Variants in RPE observed in about 807,000 individuals in gnomAD.
The protein encoded by RPE is ribulose-phosphate 3-epimerase.
RPE carries 16 observed loss-of-function variants against 24.6 expected under a neutral mutation model. The observed-to-expected ratio is 0.65, with a 90% CI of 0.44 to 0.99. The LOEUF (loss-of-function observed/expected upper bound fraction) is 0.99, where lower values mean the gene tolerates loss of function less well. Among genes scored for constraint, RPE ranks in the 50% least tolerant of loss-of-function variants. RPE has a pLI of 0.00. For synonymous variants in RPE, 93 were observed against 98.4 expected (o/e 0.94, Z 0.33); for missense variants, 240 against 294.5 (o/e 0.81, Z 1.35).
intron 1 of RPE, 63 bp from the exon 2 acceptor site, chr2:210,009,594 A>G (rs1222728897): frequency 7.5e-6 from 12 of 1,590,924 alleles, no homozygotes; most frequent in Non-Finnish European, 1.0e-5. Context: ...CAGAATTCAT[A>G]TTGAGAGAGA....
At chr2:210,006,187 G>A (rs1394171243) in intron 1 of RPE, among the ~76,000 whole-genome samples, 1 of 152,196 alleles carries the variant, frequency 6.6e-6, no homozygotes, top group African/African-American at 2.4e-5. Flanking sequence ...TCTCTGTTAA[G>A]TGAAATAATT....
intron 5 of RPE, chr2:210,018,290 AT>A (rs2093807504): frequency 6.8e-7 from 1 of 1,481,112 alleles, no homozygotes; most frequent in Admixed American, 2.6e-5. Flanking sequence ...TAGAACCTAC[AT>A]ATTATTTAGT....
intron 2 of RPE, among the ~76,000 whole-genome samples, 181 bp from the exon 3 acceptor site, chr2:210,015,792 T>G (rs976493197): frequency 6.6e-6 from 1 of 152,220 alleles, no homozygotes; most frequent in South Asian, 2.1e-4. Flanking sequence ...TGAATTTAAA[T>G]AAATCCTTGT....
intron 1 of RPE, among the ~76,000 whole-genome samples, chr2:210,008,145 G>A (rs556422727): frequency 4.6e-5 from 7 of 152,258 alleles, no homozygotes; most frequent in Admixed American, 2.0e-4. Context: ...ACAACTATAC[G>A]ATAGCAGTAG....
In RPE at chr2:210,015,967, T is replaced by A; in HGVS notation, c.203-6T>A. ...AGTAATATTTTGAAGTGTCTTTTCT[T>A]TCTAGACATGCACATGATGGTGTCC... is the stretch of plus-strand genomic sequence containing the variant. On this transcript the variant is annotated splice_region_variant and splice_polypyrimidine_tract_variant and intron_variant, in intron 2 of 5. Transcript: ENST00000359429. The A allele has an allele frequency of 1.9e-6, 3 of 1,612,922 alleles. No individual in the cohort carries two copies. Among genetic ancestry groups the A allele is most frequent in the Middle Eastern group, 1.7e-4 (1 of 6,042 alleles).
rs2093853980 is a variant in RPE, at chr2:210,021,450, T to C, written c.*1659T>C. On this transcript the variant is annotated 3_prime_UTR_variant, in exon 6 of 6. Coordinates refer to ENST00000359429, the MANE Select transcript of RPE (RefSeq NM_199229.3). ...ATAGAAATAACTTTAATTAAAAAACTTACATAGAAGATTATAATATCAGAC... is the reference window on the plus strand; with the variant it reads ...ATAGAAATAACTTTAATTAAAAAACCTACATAGAAGATTATAATATCAGAC... The C allele has an allele frequency of 2.0e-5, 3 of 152,482 alleles. No individual in the cohort carries two copies. Among genetic ancestry groups the C allele is most frequent in the Non-Finnish European group, 4.4e-5 (3 of 67,984 alleles). 9.4% of individuals were successfully genotyped at this position (152,482 alleles called of 1,614,324 possible). A position where few individuals can be genotyped will look rare whatever the true frequency, so the allele number is the denominator to read the frequency against.
intron 2 of RPE, among the ~76,000 whole-genome samples, chr2:210,012,319 TG>T (rs1188367053): frequency 2.0e-5 from 3 of 152,240 alleles, no homozygotes; most frequent in Non-Finnish European, 4.4e-5. Flanking sequence ...TTTCTACTGA[TG>T]GTACAAAAAC....
At chr2:210,005,390 C>T (rs1308593313) in intron 1 of RPE, among the ~76,000 whole-genome samples, 1 of 152,136 alleles carries the variant, frequency 6.6e-6, no homozygotes, top group African/African-American at 2.4e-5. Flanking sequence ...AGTCAGAAAC[C>T]AGTCTGGGGA....
At chr2:210,013,280 AC>A (rs2093725397) in intron 2 of RPE, among the ~76,000 whole-genome samples, 1 of 150,434 alleles carries the variant, frequency 6.6e-6, no homozygotes, top group Admixed American at 6.6e-5. Context: ...AACAAATAAT[AC>A]CACTCTTAAT....
intron 1 of RPE, among the ~76,000 whole-genome samples, chr2:210,008,798 C>T (rs903211810): frequency 2.6e-5 from 4 of 152,076 alleles, no homozygotes; most frequent in African/African-American, 4.8e-5. Flanking sequence ...CAGATTCAAA[C>T]GATTCTCCTG....
At chr2:210,006,558 G>C (rs991205774) in intron 1 of RPE, among the ~76,000 whole-genome samples, 1 of 152,166 alleles carries the variant, frequency 6.6e-6, no homozygotes, top group Non-Finnish European at 1.5e-5. Context: ...AAAAGTAAAA[G>C]TGTATTTTTT....
intron 1 of RPE, among the ~76,000 whole-genome samples, chr2:210,009,358 A>C (rs1166148439): frequency 6.6e-6 from 1 of 152,214 alleles, no homozygotes; most frequent in Non-Finnish European, 1.5e-5. Flanking sequence ...TGGGCAAGTC[A>C]TAAAGCCTGA....
At chr2:210,015,841 C>T in intron 2 of RPE, 132 bp from the exon 3 acceptor site, 1 of 823,400 alleles carries the variant, frequency 1.2e-6, no homozygotes. Flanking sequence ...TGAATTAGAA[C>T]TATTTAAATA....
intron 5 of RPE, 165 bp downstream of exon 5, chr2:210,017,724 G>C: frequency 1.1e-5 from 6 of 537,562 alleles, no homozygotes; most frequent in Non-Finnish European, 2.0e-5. Context: ...ACAGCCATAA[G>C]TGGATATGCT....
intron 2 of RPE, among the ~76,000 whole-genome samples, chr2:210,010,636 G>T (rs969917040): frequency 6.6e-6 from 1 of 152,128 alleles, no homozygotes; most frequent in Admixed American, 6.5e-5. Context: ...TTGCTGACCA[G>T]TTTTATGAAG....
intron 5 of RPE, chr2:210,017,825 ATC>A (rs2093798774): frequency 1.7e-6 from 1 of 597,878 alleles, no homozygotes. Context: ...GCTCACTGCA[ATC>A]TCTGCCTGCC....
intron 1 of RPE, among the ~76,000 whole-genome samples, chr2:210,006,345 C>A (rs2093630618): frequency 6.6e-6 from 1 of 152,144 alleles, no homozygotes; most frequent in Non-Finnish European, 1.5e-5. Flanking sequence ...ATTTGGGACA[C>A]CCTGACTTCG....
chr2:210,019,875 A>T lies in RPE; in HGVS notation c.*84A>T. ...ATATTGACTACCAAATCACAATGCA[A>T]TTGAAGCCGTACTGCTTTTTTGAGC... On this transcript the variant is annotated 3_prime_UTR_variant, in exon 6 of 6. Transcript: ENST00000359429. 3.3e-6 allele frequency: 5 copies of T among 1,496,546 alleles called. No homozygotes were observed. The highest frequency in any genetic ancestry group is 4.5e-6 in the Non-Finnish European group (5 of 1,113,042). The allele number at this position is 1,496,546 out of a possible 1,614,324, so 92.7% of individuals were successfully genotyped here. A position where few individuals can be genotyped will look rare whatever the true frequency, so the allele number is the denominator to read the frequency against.
At chr2:210,015,890 G>A (rs1219573340) in intron 2 of RPE, 83 bp from the exon 3 acceptor site, 3 of 1,467,580 alleles carry the variant, frequency 2.0e-6, no homozygotes, top group African/African-American at 2.8e-5. Context: ...TATCAGAAGT[G>A]GCAAAAACTA....
Sources: allele counts gnomAD v4.1 joint callset (sites outside exome capture counted in the v4.1 genomes callset), GRCh38; gene constraint gnomAD v4.1.1; transcripts MANE v1.5; gene names NCBI Gene and HGNC (gene_info 2026-07-23, HGNC 2026-07-21).